The following FAM135B variants were observed in gnomAD, a reference collection of about 807,000 sequenced individuals.
FAM135B encodes the protein family with sequence similarity 135 member B, also known as protein FAM135B.
FAM135B carries 43 observed loss-of-function variants against 127.7 expected under a neutral mutation model. That is an observed-to-expected ratio of 0.34 (90% CI 0.26 to 0.43). FAM135B has a LOEUF of 0.43. Among genes scored for constraint, FAM135B ranks in the 20% least tolerant of loss-of-function variants. The pLI is 1.00. For missense variants in FAM135B, 1,558 were observed against 1,725.6 expected, an observed-to-expected ratio of 0.90 and a Z score of 1.72; for synonymous variants, 670 against 665.1, an observed-to-expected ratio of 1.01 and a Z score of -0.11.
chr8:138,287,332 T>A (rs1314776316), intron 3 of FAM135B, among the ~76,000 whole-genome samples: 3 of 152,088 alleles, frequency 2.0e-5, no homozygotes, highest in Non-Finnish European at 2.9e-5. Context: ...TAGGGAAATG[T>A]AAACTAAAAC....
chr8:138,390,084 G>C (rs1832457475), intron 1 of FAM135B, among the ~76,000 whole-genome samples: 1 of 152,130 alleles, frequency 6.6e-6, no homozygotes, highest in Non-Finnish European at 1.5e-5. Flanking sequence ...TCCAGACTTA[G>C]CAAATAAAAA....
Position 138,265,828 on chromosome 8 carries a change from G to T in FAM135B, c.172C>A (p.His58Asn), listed in dbSNP as rs771805722. 11 of 1,613,638 alleles carry T rather than the reference G, an allele frequency of 6.8e-6. No homozygotes were observed. Among genetic ancestry groups the T allele is most frequent in the Non-Finnish European group, 9.3e-6 (11 of 1,179,942 alleles). Reference protein sequence around the residue: ...IAGQTESSSLHSACVHDSTVH... With the variant: ...IAGQTESSSLNSACVHDSTVH... The stretch of plus-strand genomic sequence containing the variant: ...GTGCTGTCATGGACACAGGCTGAAT[G>T]CAGGCTGCTGCTCTCTGCAAAACAA... The change falls in exon 4 of 20, where the codon CAT becomes AAT. Residue 58 changes from histidine to asparagine, a missense_variant. By Grantham distance (68) the His-to-Asn change is moderately conservative. Coordinates refer to ENST00000395297, the MANE Select transcript of FAM135B (RefSeq NM_015912.4).
At chr8:138,199,958 A>C (rs778739997) in intron 7 of FAM135B, among the ~76,000 whole-genome samples, 3 of 152,198 alleles carry the variant, frequency 2.0e-5, no homozygotes, top group Admixed American at 6.5e-5. Context: ...TCACCCTAGC[A>C]GGGAAGTGTA....
intron 7 of FAM135B, among the ~76,000 whole-genome samples, chr8:138,223,831 T>C (rs1021600965): frequency 1.3e-5 from 2 of 152,162 alleles, no homozygotes; most frequent in African/African-American, 4.8e-5. Flanking sequence ...GAGGTCCATA[T>C]ACAACGTGGA....
At chr8:138,170,299 C>T (rs570938481) in intron 11 of FAM135B, among the ~76,000 whole-genome samples, 119 of 151,200 alleles carry the variant, frequency 7.9e-4, no homozygotes, top group African/African-American at 2.5e-3. Context: ...CTCGGCTCAC[C>T]GCAACCTCCA....
At chr8:138,365,578 T>C (rs1830685273) in intron 2 of FAM135B, among the ~76,000 whole-genome samples, 1 of 152,228 alleles carries the variant, frequency 6.6e-6, no homozygotes. Context: ...TAATTTTTAC[T>C]GTGTGTATCA....
chr8:138,130,343 A>G lies in FAM135B; in HGVS notation c.*2250T>C, dbSNP rs1051678217. ...AATATAGAGATGTACTTTCTACACA[A>G]TTATAATAGATGCTCAGAGGCCAGA... is the stretch of plus-strand genomic sequence containing the variant. On this transcript the variant is annotated 3_prime_UTR_variant, in exon 20 of 20. Transcript: ENST00000395297. 1.3e-5 allele frequency: 2 copies of G among 152,126 alleles called. No individual in the cohort carries two copies. The highest frequency in any genetic ancestry group is 4.8e-5 in the African/African-American group (2 of 41,434). 9.4% of individuals were successfully genotyped at this position (152,126 alleles called of 1,614,324 possible).
At chr8:138,309,692 A>G (rs896609726) in intron 3 of FAM135B, among the ~76,000 whole-genome samples, 4 of 152,284 alleles carry the variant, frequency 2.6e-5, no homozygotes, top group African/African-American at 9.6e-5. Context: ...GCAAATTCCA[A>G]GTGAATTATA....
chr8:138,408,135 CA>C (rs1294603378), intron 1 of FAM135B, among the ~76,000 whole-genome samples: 1 of 152,184 alleles, frequency 6.6e-6, no homozygotes, highest in Non-Finnish European at 1.5e-5. Flanking sequence ...TCATCAGCTG[CA>C]ATAGCCCCTA....
intron 7 of FAM135B, among the ~76,000 whole-genome samples, chr8:138,221,664 G>A (rs1346142097): frequency 2.0e-5 from 3 of 152,122 alleles, no homozygotes; most frequent in Admixed American, 6.5e-5. Flanking sequence ...ATAATTCATG[G>A]AATATTGAGG....
chr8:138,170,603 T>C (rs1026604154), intron 11 of FAM135B, among the ~76,000 whole-genome samples: 5 of 152,210 alleles, frequency 3.3e-5, no homozygotes, highest in Non-Finnish European at 5.9e-5. Flanking sequence ...TTGTGATGGT[T>C]GATTTTGGAT....
chr8:138,454,499 G>A (rs534501001), intron 1 of FAM135B, among the ~76,000 whole-genome samples: 4 of 152,272 alleles, frequency 2.6e-5, no homozygotes, highest in South Asian at 2.1e-4. Flanking sequence ...AACCACCTAC[G>A]AAACAGAGGA....
chr8:138,340,717 T>A (rs548830296), intron 2 of FAM135B, among the ~76,000 whole-genome samples: 3 of 152,138 alleles, frequency 2.0e-5, no homozygotes, highest in African/African-American at 7.2e-5. Flanking sequence ...CCCTCCTCCC[T>A]CCTGCATGCT....
intron 3 of FAM135B, among the ~76,000 whole-genome samples, chr8:138,298,624 T>A (rs60134676): frequency 0.064 from 9,804 of 152,056 alleles, 703 homozygotes; most frequent in East Asian, 0.25. Context: ...TGTTAAGAAG[T>A]CTGGATTTTT....
At chr8:138,221,527 C>A (rs1819022948) in intron 7 of FAM135B, among the ~76,000 whole-genome samples, 3 of 152,106 alleles carry the variant, frequency 2.0e-5, no homozygotes, top group African/African-American at 7.2e-5. Context: ...AGACAGAATG[C>A]AAATTGCAGG....
chr8:138,433,404 C>A (rs1835298485), intron 1 of FAM135B, among the ~76,000 whole-genome samples: 2 of 30,328 alleles, frequency 6.6e-5, no homozygotes, highest in East Asian at 2.2e-3. Context: ...TGCCTGTAGT[C>A]CCAGCTACTC....
At chr8:138,142,288 CTTTTT>C (rs71316322) in intron 16 of FAM135B, among the ~76,000 whole-genome samples, 8 of 62,364 alleles carry the variant, frequency 1.3e-4, no homozygotes, top group Non-Finnish European at 2.2e-4. Context: ...TCTGCTTCTT[CTTTTT>C]TTTTTTTTTT....
chr8:138,385,720 G>A (rs1277930666), intron 1 of FAM135B, among the ~76,000 whole-genome samples: 3 of 151,732 alleles, frequency 2.0e-5, no homozygotes, highest in Non-Finnish European at 4.4e-5. Context: ...GCTGAGGCAG[G>A]AGAATTGCTT....
intron 14 of FAM135B, 106 bp downstream of exon 14, chr8:138,148,414 C>T (rs1817833700): frequency 3.3e-6 from 3 of 896,276 alleles, no homozygotes; most frequent in South Asian, 1.7e-5. Flanking sequence ...TCCACAGTTG[C>T]TAATTGAACA....
Sources: allele counts gnomAD v4.1 joint callset (sites outside exome capture counted in the v4.1 genomes callset), GRCh38; gene constraint gnomAD v4.1.1; transcripts MANE v1.5; gene names NCBI Gene and HGNC (gene_info 2026-07-23, HGNC 2026-07-21).